The following LPP variants were observed in gnomAD, a reference collection of about 807,000 sequenced individuals.
LPP encodes the protein lipoma-preferred partner.
LPP carries 38 observed loss-of-function variants against 60.4 expected under a neutral mutation model. The observed-to-expected ratio is 0.63, with a 90% confidence interval of 0.49 to 0.83. LPP has a LOEUF of 0.83. Among genes scored for constraint, LPP ranks in the 40% least tolerant of loss-of-function variants. The pLI is 0.00. For synonymous variants in LPP, 328 were observed against 290.8 expected, an observed-to-expected ratio of 1.13 and a Z score of -1.30; for missense variants, 902 against 783.6, an observed-to-expected ratio of 1.15 and a Z score of -1.80.
At chr3:188,870,256 C>A (rs1021576383) in intron 10 of LPP, among the ~76,000 whole-genome samples, 9 of 152,016 alleles carry the variant, frequency 5.9e-5, no homozygotes, top group African/African-American at 9.7e-5. Context: ...AGAAATACTG[C>A]AGAAATATAT....
At chr3:188,227,976 T>TCTGGGTG in intron 2 of LPP, among the ~76,000 whole-genome samples, 1 of 152,334 alleles carries the variant, frequency 6.6e-6, no homozygotes, top group Middle Eastern at 3.4e-3. Context: ...CAAAGGAATA[T>TCTGGGTG]CTGGGTGCTG....
intron 3 of LPP, among the ~76,000 whole-genome samples, chr3:188,401,642 A>C (rs529203092): frequency 4.6e-5 from 7 of 152,340 alleles, no homozygotes; most frequent in Admixed American, 4.6e-4. Flanking sequence ...CAGGCAAATA[A>C]ATTCATTCAT....
chr3:188,389,444 T>C (rs1779146538), intron 3 of LPP, among the ~76,000 whole-genome samples: 1 of 152,144 alleles, frequency 6.6e-6, no homozygotes, highest in African/African-American at 2.4e-5. Flanking sequence ...CAGTTTTGGC[T>C]GTGCTTGACC....
At chr3:188,766,702 G>T (rs1734269499) in intron 9 of LPP, among the ~76,000 whole-genome samples, 1 of 152,154 alleles carries the variant, frequency 6.6e-6, no homozygotes, top group Admixed American at 6.5e-5. Flanking sequence ...TTTTTCCCAT[G>T]ATGGTAATTC....
intron 2 of LPP, among the ~76,000 whole-genome samples, chr3:188,285,083 C>T (rs1418639932): frequency 6.6e-6 from 1 of 151,964 alleles, no homozygotes; most frequent in Non-Finnish European, 1.5e-5. Flanking sequence ...GAGTCCCGGC[C>T]CTGCTTTTAG....
intron 8 of LPP, among the ~76,000 whole-genome samples, chr3:188,721,341 A>G (rs1450632281): frequency 6.6e-6 from 1 of 152,102 alleles, no homozygotes; most frequent in East Asian, 1.9e-4. Context: ...GCTTGAGTCC[A>G]AAAGTTTGAG....
chr3:188,821,503 A>G (rs1200117983), intron 9 of LPP, among the ~76,000 whole-genome samples: 1 of 151,888 alleles, frequency 6.6e-6, no homozygotes, highest in Non-Finnish European at 1.5e-5. Context: ...CTGTAAACCC[A>G]TAATTTATTA....
chr3:188,431,081 T>C (rs1296677027), intron 4 of LPP, among the ~76,000 whole-genome samples: 2 of 152,164 alleles, frequency 1.3e-5, no homozygotes, highest in Non-Finnish European at 2.9e-5. Flanking sequence ...TTCTCTATAT[T>C]GAATATGATT....
chr3:188,717,900 C>T (rs137887484), intron 8 of LPP, among the ~76,000 whole-genome samples: 2,028 of 152,128 alleles, frequency 0.013, 37 homozygotes, highest in South Asian at 0.074. Context: ...GCACCACAAA[C>T]TCCACCTCCA....
intron 6 of LPP, among the ~76,000 whole-genome samples, chr3:188,532,345 A>C (rs1822412274): frequency 6.6e-6 from 1 of 152,194 alleles, no homozygotes; most frequent in African/African-American, 2.4e-5. Flanking sequence ...GAATTGCTTG[A>C]ACCTAGGAGA....
At chr3:188,448,337 T>C (rs1022879571) in intron 4 of LPP, among the ~76,000 whole-genome samples, 5 of 24,444 alleles carry the variant, frequency 2.0e-4, no homozygotes, top group African/African-American at 5.5e-4. Flanking sequence ...TTACCTGAGA[T>C]GACTCGTGCA....
At chr3:188,541,262 G>A (rs1400490948) in intron 6 of LPP, among the ~76,000 whole-genome samples, 1 of 152,150 alleles carries the variant, frequency 6.6e-6, no homozygotes, top group Non-Finnish European at 1.5e-5. Context: ...TCTACCTTAT[G>A]TTTTCAATTC....
chr3:188,585,734 G>A (rs938494769), intron 6 of LPP, among the ~76,000 whole-genome samples: 3 of 152,222 alleles, frequency 2.0e-5, no homozygotes, highest in African/African-American at 7.2e-5. Flanking sequence ...AAGGGAAAAA[G>A]TAGAAAACAT....
At chr3:188,492,901 A>G (rs1389473751) in intron 5 of LPP, among the ~76,000 whole-genome samples, 1 of 152,218 alleles carries the variant, frequency 6.6e-6, no homozygotes, top group Non-Finnish European at 1.5e-5. Flanking sequence ...ATATGTTGTA[A>G]CATTTTTAAC....
chr3:188,664,358 AG>A (rs1191124530), intron 7 of LPP, among the ~76,000 whole-genome samples: 2 of 152,218 alleles, frequency 1.3e-5, no homozygotes, highest in Non-Finnish European at 2.9e-5. Context: ...AAAACCTAGA[AG>A]ATATCCCATA....
intron 3 of LPP, among the ~76,000 whole-genome samples, chr3:188,386,929 T>C (rs1284669802): frequency 6.6e-6 from 1 of 152,136 alleles, no homozygotes; most frequent in African/African-American, 2.4e-5. Context: ...TGGTTTGCCT[T>C]TAGAAAAATA....
chr3:188,879,660 C>A lies in LPP; in HGVS notation c.*5181C>A, dbSNP rs1769694411. On this transcript the variant is annotated 3_prime_UTR_variant, in exon 12 of 12. Transcript: ENST00000617246. The stretch of plus-strand genomic sequence containing the variant: ...TTTTTAAGTCTGAAGCAATGTAACC[C>A]CAAAAAATTATAATTTTAATGATGG... The A allele has an allele frequency of 5.4e-6, 1 of 183,596 alleles. No homozygotes were observed. The highest frequency in any genetic ancestry group is 2.4e-5 in the African/African-American group (1 of 42,454). 11.4% of individuals were successfully genotyped at this position (183,596 alleles called of 1,614,324 possible). A position where few individuals can be genotyped will look rare whatever the true frequency, so the allele number is the denominator to read the frequency against.
Position 188,649,598 on chromosome 3 carries a change from A to G in LPP, c.1113+39754A>G, listed in dbSNP as rs143890781. Among the ~76,000 whole-genome samples the G allele has an allele frequency of 1.1e-3, 173 of 152,328 alleles. 2 individuals carry two copies. The East Asian group carries it at 0.028, about 25-fold the overall frequency. ...ATCTTGGTAGTCCTGAAGTGATAGC[A>G]CTTACATTCTTTTGCCAGGCATCCA... On this transcript the variant is annotated intron_variant, in intron 7 of 11. Transcript: ENST00000617246.
intron 2 of LPP, among the ~76,000 whole-genome samples, chr3:188,327,004 T>A (rs1410234565): frequency 1.3e-5 from 2 of 152,234 alleles, no homozygotes; most frequent in African/African-American, 4.8e-5. Context: ...TATTCAAGAA[T>A]GTAGATTAAA....
Sources: gnomAD v4.1 joint callset for allele counts (sites outside exome capture counted in the v4.1 genomes callset) on GRCh38, gnomAD v4.1.1 for gene constraint, MANE v1.5 for transcripts, NCBI Gene and HGNC (gene_info 2026-07-23, HGNC 2026-07-21) for gene names.